Variants in LHFPL2 observed in about 807,000 individuals in gnomAD.
The protein encoded by LHFPL2 is LHFPL tetraspan subfamily member 2 protein.
A neutral mutation model predicts 17.5 loss-of-function variants in LHFPL2; 7 were observed. The ratio of observed to expected loss-of-function variants is 0.40; its 90% CI spans 0.23 to 0.75. The LOEUF (loss-of-function observed/expected upper bound fraction) is 0.75. Among genes scored for constraint, LHFPL2 ranks in the 30% least tolerant of loss-of-function variants. LHFPL2 has a pLI of 0.37. For missense variants in LHFPL2, 241 were observed against 294.8 expected, an observed-to-expected ratio of 0.82 and a Z score of 1.34; for synonymous variants, 134 against 116.2, an observed-to-expected ratio of 1.15 and a Z score of -0.99.
intron 2 of LHFPL2, among the ~76,000 whole-genome samples, chr5:78,594,542 G>C (rs766621156): frequency 5.9e-5 from 9 of 152,142 alleles, no homozygotes; most frequent in Admixed American, 2.6e-4. Context: ...CTGTAATAAA[G>C]TAATAGTGGC....
At chr5:78,638,855 G>C (rs1745560263) in intron 1 of LHFPL2, among the ~76,000 whole-genome samples, 1 of 152,198 alleles carries the variant, frequency 6.6e-6, no homozygotes, top group African/African-American at 2.4e-5. Flanking sequence ...CCAGAACTGA[G>C]AAAGCTGAAA....
At chr5:78,611,078 G>C (rs78654953) in intron 2 of LHFPL2, among the ~76,000 whole-genome samples, 7,375 of 152,224 alleles carry the variant, frequency 0.048, 628 homozygotes, top group African/African-American at 0.17. Flanking sequence ...AGACAAAGGA[G>C]GTATAAATTC....
chr5:78,560,144 C>T (rs368053015), intron 3 of LHFPL2, among the ~76,000 whole-genome samples: 12 of 152,360 alleles, frequency 7.9e-5, no homozygotes, highest in Middle Eastern at 3.4e-3. Context: ...TCACCACCAT[C>T]ACCTCATAAG....
chr5:78,583,897 C>T (rs1193913169), intron 2 of LHFPL2, among the ~76,000 whole-genome samples: 1 of 151,248 alleles, frequency 6.6e-6, no homozygotes, highest in Non-Finnish European at 1.5e-5. Context: ...TGGTTCCATT[C>T]TCCCCATCAC....
rs1754198305 is a variant in LHFPL2, at chr5:78,485,231, G to A, written c.*3666C>T. On this transcript the variant is annotated 3_prime_UTR_variant, in exon 5 of 5. Coordinates refer to ENST00000380345, the MANE Select transcript of LHFPL2 (RefSeq NM_005779.3). ...TACTCAGACTTGAAAGAATAAGAAT[G>A]AATTGCAAAATCTGGTTTAATTAAG... The A allele has an allele frequency of 6.6e-6, 1 of 152,254 alleles. No individual in the cohort carries two copies. Among genetic ancestry groups the A allele is most frequent in the South Asian group, 2.1e-4 (1 of 4,830 alleles). 9.4% of individuals were successfully genotyped at this position (152,254 alleles called of 1,614,324 possible).
chr5:78,549,917 T>C (rs1286866289), intron 3 of LHFPL2, among the ~76,000 whole-genome samples: 3 of 152,190 alleles, frequency 2.0e-5, no homozygotes, highest in African/African-American at 7.2e-5. Flanking sequence ...AAACTTCCAC[T>C]CAAAATCATC....
At chr5:78,568,082 A>G (rs559535925) in intron 2 of LHFPL2, among the ~76,000 whole-genome samples, 1 of 152,354 alleles carries the variant, frequency 6.6e-6, no homozygotes, top group Non-Finnish European at 1.5e-5. Flanking sequence ...TAGAGCACAT[A>G]CAATGGTATT....
At chr5:78,507,609 C>A (rs1392924369) in intron 4 of LHFPL2, among the ~76,000 whole-genome samples, 1 of 152,182 alleles carries the variant, frequency 6.6e-6, no homozygotes, top group Non-Finnish European at 1.5e-5. Context: ...AGATGTCCCA[C>A]CCCTTCCAGT....
intron 2 of LHFPL2, among the ~76,000 whole-genome samples, chr5:78,622,961 C>T (rs59229352): frequency 1.3e-5 from 2 of 152,100 alleles, no homozygotes; most frequent in South Asian, 2.1e-4. Flanking sequence ...GATTGGGGAT[C>T]TTATCTAGGC....
At chr5:78,642,458 G>A (rs1745702935) in intron 1 of LHFPL2, among the ~76,000 whole-genome samples, 1 of 152,122 alleles carries the variant, frequency 6.6e-6, no homozygotes, top group Non-Finnish European at 1.5e-5. Flanking sequence ...ATCAGTACAA[G>A]CCTGGTCATT....
intron 3 of LHFPL2, among the ~76,000 whole-genome samples, chr5:78,556,994 A>G (rs540969144): frequency 2.1e-3 from 322 of 151,910 alleles, no homozygotes; most frequent in African/African-American, 7.1e-3. Context: ...GTTCTAGGGT[A>G]CATGTGCACA....
intron 3 of LHFPL2, among the ~76,000 whole-genome samples, chr5:78,534,016 G>C (rs1755864503): frequency 6.6e-6 from 1 of 152,238 alleles, no homozygotes; most frequent in Non-Finnish European, 1.5e-5. Context: ...CAGGAGAGCA[G>C]GGCTCCACAG....
chr5:78,558,798 C>T (rs1043833843), intron 3 of LHFPL2, among the ~76,000 whole-genome samples: 9 of 152,326 alleles, frequency 5.9e-5, no homozygotes, highest in Middle Eastern at 6.8e-3. Flanking sequence ...TCTTTTCCAC[C>T]GAGGGAAAAC....
At chr5:78,515,548 G>A (rs1177339926) in intron 3 of LHFPL2, among the ~76,000 whole-genome samples, 1 of 152,220 alleles carries the variant, frequency 6.6e-6, no homozygotes, top group East Asian at 1.9e-4. Flanking sequence ...AAGGATGGGA[G>A]GATTAAGAGA....
chr5:78,529,514 G>C lies in LHFPL2; in HGVS notation c.-185-19116C>G, dbSNP rs773290064. On this transcript the variant is annotated intron_variant, in intron 3 of 4. Coordinates refer to ENST00000380345, the MANE Select transcript of LHFPL2 (RefSeq NM_005779.3). ...GCAGCCTAGCAGTAACAGGGGGTTG[G>C]TGCAGGATGGAGCCAGGCCACGCAG... 1.1e-3 allele frequency among the ~76,000 whole-genome samples: 165 copies of C among 152,198 alleles called. 1 individual carries two copies. Among genetic ancestry groups the C allele is most frequent in the Non-Finnish European group, 2.2e-3 (148 of 68,034 alleles).
In LHFPL2 at chr5:78,570,633, AGTATATATATATATAC is replaced by A. The variant is rs1274946951; in HGVS notation, c.-244-5778_-244-5763del. Among the ~76,000 whole-genome samples, 72 of 145,744 alleles carry A rather than the reference AGTATATATATATATAC, an allele frequency of 4.9e-4. 1 individual carries two copies. Among genetic ancestry groups the A allele is most frequent in the Admixed American group, 2.9e-3 (43 of 14,672 alleles). On this transcript the variant is annotated intron_variant, in intron 2 of 4. Coordinates refer to ENST00000380345, the MANE Select transcript of LHFPL2 (RefSeq NM_005779.3). Reference sequence around the variant, plus strand: ...TGAATATATATATACGTATATATATAGTATATATATATATACGTATATATATATATACGTATGATCA... The same window carrying A: ...TGAATATATATATACGTATATATATAGTATATATATATATACGTATGATCA...
chr5:78,620,784 C>A (rs565082071), intron 2 of LHFPL2, among the ~76,000 whole-genome samples: 4 of 152,162 alleles, frequency 2.6e-5, no homozygotes, highest in Non-Finnish European at 4.4e-5. Flanking sequence ...CTGGGGCGCC[C>A]GCTCTAATGG....
chr5:78,614,196 T>C (rs571470297), intron 2 of LHFPL2, among the ~76,000 whole-genome samples: 1 of 152,380 alleles, frequency 6.6e-6, no homozygotes, highest in African/African-American at 2.4e-5. Flanking sequence ...GCCCTGAATC[T>C]GATGTGGTCA....
At chr5:78,625,071 C>G (rs1744984998) in intron 2 of LHFPL2, 1 of 152,178 alleles carries the variant, frequency 6.6e-6, no homozygotes, top group South Asian at 2.1e-4. Flanking sequence ...TTGGTTGGGG[C>G]CCATGGCAAC....
Sources: gnomAD v4.1 joint callset for allele counts (sites outside exome capture counted in the v4.1 genomes callset) on GRCh38, gnomAD v4.1.1 for gene constraint, MANE v1.5 for transcripts, NCBI Gene and HGNC (gene_info 2026-07-23, HGNC 2026-07-21) for gene names.